Variants in GRAP observed in about 807,000 individuals in gnomAD.
GRAP encodes the protein GRB2-related adapter protein.
In GRAP, 2 loss-of-function variants were observed where a neutral mutation model predicts 9.1. That is an observed-to-expected ratio of 0.22 (90% confidence interval 0.09 to 0.69). The LOEUF (loss-of-function observed/expected upper bound fraction) is 0.69, where lower values mean the gene tolerates loss of function less well. GRAP is among the 30% of genes least tolerant of loss of function. The pLI, the probability that GRAP is intolerant of heterozygous loss-of-function variation, is 0.81. For synonymous variants in GRAP, 68 were observed against 73.6 expected (o/e 0.92, Z 0.39); for missense variants, 113 against 179.4 (o/e 0.63, Z 2.12).
rs879545958 is a variant in GRAP, at chr17:19,021,761, C to G, written c.*198G>C. 28 of 449,016 alleles carry G rather than the reference C, an allele frequency of 6.2e-5. No individual in the cohort carries two copies. The highest frequency in any genetic ancestry group is 9.7e-5 in the Non-Finnish European group (26 of 267,514). The allele number at this position is 449,016 out of a possible 1,614,324, so 27.8% of individuals were successfully genotyped here. ...ACCAGCCAGGAAGCCCCGGAGCTAC[C>G]CTTGCTGGGTACCCTTGCTGGGGGA... is the stretch of plus-strand genomic sequence containing the variant. On this transcript the variant is annotated 3_prime_UTR_variant, in exon 5 of 5. Coordinates refer to ENST00000284154, the MANE Select transcript of GRAP (RefSeq NM_006613.4). This position sits in a 1 kb window ranked among gnomAD's most constrained non-coding sequence, Gnocchi z 4.1.
chr17:19,022,080 C>G lies in GRAP; in HGVS notation c.533G>C (p.Ser178Thr), dbSNP rs749063745. 1.0e-5 allele frequency: 16 copies of G among 1,590,468 alleles called. No individual in the cohort carries two copies. The African/African-American group carries it at 1.9e-4, about 19-fold the overall frequency. ...CTCAATGATGTCGCCACGGCGGAAG[C>G]TGAGCTGCGAGGGGTCCTGGGCTGA... ...DFSAQDPSQL[S>T]FRRGDIIEVL... is the part of the protein sequence containing the mutation. Residue 178 changes from serine to threonine, a missense_variant, in exon 5 of 5, where the codon AGC (serine) becomes ACC (threonine). This residue lies in a region of GRAP where 113 missense variants were observed against 163.3 expected (regional missense o/e 0.69). Transcript: ENST00000284154.
chr17:19,021,143 A>G lies in GRAP; in HGVS notation c.*816T>C, dbSNP rs1351438942. 6.6e-6 allele frequency: 1 copy of G among 152,128 alleles called. No homozygotes were observed. Among genetic ancestry groups the G allele is most frequent in the Non-Finnish European group, 1.5e-5 (1 of 68,036 alleles). 9.4% of individuals were successfully genotyped at this position (152,128 alleles called of 1,614,324 possible). On this transcript the variant is annotated 3_prime_UTR_variant, in exon 5 of 5. Transcript: ENST00000284154. The surrounding 1 kb of genome is among the most constrained non-coding windows in gnomAD (Gnocchi z 4.1). The stretch of plus-strand genomic sequence containing the variant: ...TCTCTAAAACCTAGCTCTGGCCCCA[A>G]CTTTCTGTCTGCCCTGGAGGTTTCT...
At chr17:19,025,204 T>TG (rs1488099488) in intron 3 of GRAP, among the ~76,000 whole-genome samples, 2 of 147,358 alleles carry the variant, frequency 1.4e-5, no homozygotes, top group Admixed American at 6.8e-5. Context: ...CTTTTTTTTT[T>TG]TTTTTGAGGC....
Position 19,021,973 on chromosome 17 carries a change from G to A in GRAP, c.640C>T (p.Pro214Ser). 3 of 1,565,386 alleles carry A rather than the reference G, an allele frequency of 1.9e-6. No individual in the cohort carries two copies. Among genetic ancestry groups the A allele is most frequent in the South Asian group, 1.2e-5 (1 of 84,362 alleles). Reference sequence around the variant, plus strand: ...CGCCGGGCTGCTCACAGGTGCACGGGCTGCACGTAACTCCGTGGGAAGAAG... The same window carrying A: ...CGCCGGGCTGCTCACAGGTGCACGGACTGCACGTAACTCCGTGGGAAGAAG... ...VGFFPRSYVQ[P>S]VHL The change falls in exon 5 of 5, where the codon CCC becomes TCC. Residue 214 changes from proline (P) to serine (S), a missense_variant. This residue lies in a region of GRAP where 113 missense variants were observed against 163.3 expected (regional missense o/e 0.69). Coordinates refer to ENST00000284154, the MANE Select transcript of GRAP (RefSeq NM_006613.4). This position sits in a 1 kb window ranked among gnomAD's most constrained non-coding sequence, Gnocchi z 4.1.
chr17:19,027,468 A>ATG (rs1292307087), intron 3 of GRAP, among the ~76,000 whole-genome samples: 3 of 107,918 alleles, frequency 2.8e-5, no homozygotes, highest in East Asian at 4.4e-4. Flanking sequence ...GATGGGACAC[A>ATG]TGCGCGCGCG....
In GRAP at chr17:19,022,050, A is replaced by G; in HGVS notation, c.563T>C (p.Leu188Pro). ...SFRRGDIIEV[L>P]ERPDPHWWRG... ...CCACCAGTGGGGGTCTGGGCGCTCC[A>G]GGACCTCAATGATGTCGCCACGGCG... Residue 188 changes from leucine to proline, a missense_variant, in exon 5 of 5, where the codon CTG becomes CCG. Coordinates refer to ENST00000284154, the MANE Select transcript of GRAP (RefSeq NM_006613.4). 1 of 1,597,594 alleles carries G rather than the reference A, an allele frequency of 6.3e-7. No individual in the cohort carries two copies. Among genetic ancestry groups the G allele is most frequent in the Non-Finnish European group, 8.5e-7 (1 of 1,172,928 alleles).
rs71155385 is a variant in GRAP at position 19,027,525 on chromosome 17, C to CA, written c.300-3143_300-3142insT. Reference sequence around the variant, plus strand: ...ACACACACACACACACACACACACACCCCTACCTCTCCTGGGTTGTAAATT... The same window carrying CA: ...ACACACACACACACACACACACACACACCCTACCTCTCCTGGGTTGTAAATT... On this transcript the variant is annotated intron_variant, in intron 3 of 4. Transcript: ENST00000284154. Among the ~76,000 whole-genome samples, 293 of 142,760 alleles carry CA rather than the reference C, an allele frequency of 2.1e-3. 4 individuals are homozygous for CA. Among genetic ancestry groups the CA allele is most frequent in the Non-Finnish European group, 3.5e-3 (226 of 64,678 alleles). The allele number at this position is 142,760 out of a possible 152,430, so 93.7% of individuals were successfully genotyped here.
chr17:19,022,261 C>G (rs187397886), intron 4 of GRAP, 117 bp from the exon 5 acceptor site: 1 of 547,372 alleles, frequency 1.8e-6, no homozygotes, highest in African/African-American at 2.0e-5. Flanking sequence ...CGGGCAGCAC[C>G]GGAGTTGAAC....
Position 19,024,286 on chromosome 17 carries a change from C to T in GRAP, c.397G>A (p.Asp133Asn), listed in dbSNP as rs1158250940. 11 of 1,608,564 alleles carry T rather than the reference C, an allele frequency of 6.8e-6. No homozygotes were observed. Among genetic ancestry groups the T allele is most frequent in the East Asian group, 2.2e-5 (1 of 44,664 alleles). Residue 133 changes from aspartate (D) to asparagine (N), a missense_variant, in exon 4 of 5, where the codon GAC becomes AAC. Physicochemically the swap from Asp to Asn is conservative, Grantham distance 23. This residue lies in a region of GRAP where 113 missense variants were observed against 163.3 expected (regional missense o/e 0.69). Coordinates refer to ENST00000284154, the MANE Select transcript of GRAP (RefSeq NM_006613.4). This position sits in a 1 kb window ranked among gnomAD's most constrained non-coding sequence, Gnocchi z 4.2. Reference sequence around the variant, plus strand: ...GCGATGGTGGTGGTGCGGTAGAAGTCGACCAGCTCGTTGAGGGAGTTGAAC... The same window carrying T: ...GCGATGGTGGTGGTGCGGTAGAAGTTGACCAGCTCGTTGAGGGAGTTGAAC... ...EKFNSLNELV[D>N]FYRTTTIAKK... is the part of the protein sequence containing the mutation.
At chr17:19,030,287 G>A (rs1306950313) in intron 3 of GRAP, 5 of 410,504 alleles carry the variant, frequency 1.2e-5, no homozygotes, top group Non-Finnish European at 2.3e-5. Context: ...TGTCAGCCCA[G>A]AGAGGAAAAA....
At chr17:19,050,785 GA>G (rs1317731496), upstream of GRAP, among the ~76,000 whole-genome samples, 101 of 150,556 alleles carry the variant, frequency 6.7e-4, no homozygotes, top group African/African-American at 2.3e-3. Context: ...AGAACTCCCT[GA>G]AAAAAAATTT....
intron 4 of GRAP, among the ~76,000 whole-genome samples, chr17:19,023,390 C>A (rs1479347176): frequency 6.6e-5 from 10 of 152,108 alleles, no homozygotes; most frequent in Non-Finnish European, 1.2e-4. Context: ...TCTCCCCAGG[C>A]CTTGGCCACA....
chr17:19,030,257 A>C (rs2044330640), intron 3 of GRAP: 1 of 443,618 alleles, frequency 2.3e-6, no homozygotes. Flanking sequence ...CAGCAGCAGC[A>C]GCAGCAGCAA....
chr17:19,032,874 T>TG (rs1383077800), intron 3 of GRAP: 1 of 23,832 alleles, frequency 4.2e-5, no homozygotes, highest in Non-Finnish European at 1.3e-4. Context: ...GTGGCTGGGC[T>TG]GGGGGGGTGG....
chr17:19,025,698 C>T (rs1357246520), intron 3 of GRAP, among the ~76,000 whole-genome samples: 5 of 131,082 alleles, frequency 3.8e-5, no homozygotes, highest in South Asian at 2.9e-4. Flanking sequence ...CTGCAAGCTC[C>T]GCCTCCCAGG....
intron 3 of GRAP, chr17:19,032,165 C>G (rs1379413184): frequency 6.7e-6 from 1 of 149,920 alleles, no homozygotes; most frequent in African/African-American, 2.4e-5. Flanking sequence ...TCCAAACACA[C>G]CCCTCGCTTC....
chr17:19,024,693 G>A lies in GRAP; in HGVS notation c.300-310C>T, dbSNP rs182375043. Reference sequence around the variant, plus strand: ...GTTTTCTCATAATGATAACATCTCCGTTATGGATAAGTGCACAGTGACTGG... The same window carrying A: ...GTTTTCTCATAATGATAACATCTCCATTATGGATAAGTGCACAGTGACTGG... On this transcript the variant is annotated intron_variant, in intron 3 of 4. Transcript: ENST00000284154. This position sits in a 1 kb window ranked among gnomAD's most constrained non-coding sequence, Gnocchi z 4.2. Among the ~76,000 whole-genome samples, 76 of 152,300 alleles carry A rather than the reference G, an allele frequency of 5.0e-4. 1 individual carries two copies. The highest frequency in any genetic ancestry group is 1.4e-3 in the Admixed American group (22 of 15,300).
At chr17:19,027,524 A>ACACACACACACACACC (rs1157535157) in intron 3 of GRAP, among the ~76,000 whole-genome samples, 1 of 138,940 alleles carries the variant, frequency 7.2e-6, no homozygotes, top group Non-Finnish European at 1.6e-5. Flanking sequence ...ACACACACAC[A>ACACACACACACACACC]CCCCTACCTC....
rs944840808 is a variant in GRAP at position 19,020,704 on chromosome 17, T to C, written c.*1255A>G. 5 of 493,822 alleles carry C rather than the reference T, an allele frequency of 1.0e-5. No individual in the cohort carries two copies. Among genetic ancestry groups the C allele is most frequent in the Non-Finnish European group, 1.8e-5 (5 of 270,646 alleles). 30.6% of individuals were successfully genotyped at this position (493,822 alleles called of 1,614,324 possible). A position where few individuals can be genotyped will look rare whatever the true frequency, so the allele number is the denominator to read the frequency against. ...ACGGACATCCTGATGTTGGTTTTAC[T>C]GTTTTCGTTTTGAATACACAGGCTG... On this transcript the variant is annotated 3_prime_UTR_variant, in exon 5 of 5. Coordinates refer to ENST00000284154, the MANE Select transcript of GRAP (RefSeq NM_006613.4).
Sources: allele counts gnomAD v4.1 joint callset (sites outside exome capture counted in the v4.1 genomes callset), GRCh38; gene constraint gnomAD v4.1.1; regional missense constraint gnomAD v4.1.1; non-coding constraint Gnocchi (gnomAD v3.1); transcripts MANE v1.5; gene names NCBI Gene and HGNC (gene_info 2026-07-23, HGNC 2026-07-21).